Variants in NDUFAF6 observed in about 807,000 individuals in gnomAD.
NDUFAF6 encodes NADH dehydrogenase (ubiquinone) complex I, assembly factor 6.
NDUFAF6 carries 45 observed loss-of-function variants against 40.8 expected under a neutral mutation model. That is an observed-to-expected ratio of 1.10 (90% CI 0.87 to 1.42). The LOEUF (loss-of-function observed/expected upper bound fraction) is 1.42, where lower values mean the gene tolerates loss of function less well. Ranked by LOEUF, NDUFAF6 falls within the 40% of genes most tolerant of loss-of-function variation. The probability of loss-of-function intolerance (pLI) is 0.00; values close to 1 mark genes in which losing one functional copy is unlikely to be tolerated. For synonymous variants in NDUFAF6, 185 were observed against 155.9 expected, an observed-to-expected ratio of 1.19 and a Z score of -1.39; for missense variants, 435 against 418.5, an observed-to-expected ratio of 1.04 and a Z score of -0.34.
At chr8:94,930,373 T>C (rs1163834087) in intron 1 of NDUFAF6, 1 of 1,450,710 alleles carries the variant, frequency 6.9e-7, no homozygotes, top group African/African-American at 1.4e-5. Context: ...ACTATGTGAT[T>C]GGTTATCAAT....
downstream of NDUFAF6, among the ~76,000 whole-genome samples, chr8:95,118,356 G>A (rs528012279): frequency 6.6e-6 from 1 of 152,286 alleles, no homozygotes; most frequent in South Asian, 2.1e-4. Flanking sequence ...CAAAGGGAGG[G>A]GAATTAGACT....
At chr8:94,995,536 G>A (rs1411041518) in intron 2 of NDUFAF6, among the ~76,000 whole-genome samples, 1 of 152,022 alleles carries the variant, frequency 6.6e-6, no homozygotes, top group Non-Finnish European at 1.5e-5. Flanking sequence ...GTCTGAGGCG[G>A]GAGGATTGCA....
intron 1 of NDUFAF6, among the ~76,000 whole-genome samples, chr8:94,932,666 G>A (rs1820533592): frequency 6.6e-6 from 1 of 152,156 alleles, no homozygotes; most frequent in Non-Finnish European, 1.5e-5. Context: ...AGCTGGGTGC[G>A]GTGGCGGGCG....
intron 1 of NDUFAF6, among the ~76,000 whole-genome samples, chr8:94,904,767 C>T (rs771448972): frequency 1.3e-5 from 2 of 151,918 alleles, no homozygotes; most frequent in Admixed American, 6.6e-5. Flanking sequence ...CTTTTTCATG[C>T]CCTCCCATGG....
At chr8:95,051,759 C>T (rs908980915) in intron 7 of NDUFAF6, among the ~76,000 whole-genome samples, 1 of 152,026 alleles carries the variant, frequency 6.6e-6, no homozygotes, top group Non-Finnish European at 1.5e-5. Context: ...TGTCCGGCTG[C>T]GTGGAACGAA....
rs768982885 is a variant in NDUFAF6 at position 95,045,529 on chromosome 8, A to G, written c.478-16A>G. 1 of 1,582,288 alleles carries G rather than the reference A, an allele frequency of 6.3e-7. No individual in the cohort carries two copies. Among genetic ancestry groups the G allele is most frequent in the Admixed American group, 1.7e-5 (1 of 59,952 alleles). ...TGACAGTTCAACAGACTTTATTTGC[A>G]TTTTATTTGATGTAGGAAAAAAATC... On this transcript the variant is annotated splice_polypyrimidine_tract_variant and intron_variant, in intron 4 of 8. Coordinates refer to ENST00000396124, the MANE Select transcript of NDUFAF6 (RefSeq NM_152416.4).
intron 1 of NDUFAF6, among the ~76,000 whole-genome samples, chr8:94,962,733 T>C (rs7823059): frequency 0.51 from 76,618 of 151,318 alleles, 19,826 homozygotes; most frequent in East Asian, 0.72. Context: ...CCACCTTGGC[T>C]TCCCAAATTG....
chr8:94,952,412 C>G (rs184312838), intron 2 of NDUFAF6, among the ~76,000 whole-genome samples: 1 of 152,186 alleles, frequency 6.6e-6, no homozygotes, highest in Non-Finnish European at 1.5e-5. Context: ...CCACTTAGGT[C>G]GTTTTCTATC....
rs140689274 is a variant in NDUFAF6, at chr8:94,940,228, G to A, written c.-935-5255G>A. 2,135 of 1,598,200 alleles carry A rather than the reference G, an allele frequency of 1.3e-3. 32 individuals are homozygous for A. The African/African-American group carries it at 0.025, about 19-fold the overall frequency. On this transcript the variant is annotated intron_variant, in intron 1 of 14. Coordinates refer to the NDUFAF6 transcript ENST00000396113. ...AGAAACCAGTGCAAGTATCTAGATCGTAGTCCACATTGCAGTCCACATGTG... is the reference window on the plus strand; with the variant it reads ...AGAAACCAGTGCAAGTATCTAGATCATAGTCCACATTGCAGTCCACATGTG...
chr8:94,923,143 G>T (rs910276270), intron 1 of NDUFAF6, among the ~76,000 whole-genome samples: 3 of 152,136 alleles, frequency 2.0e-5, no homozygotes, highest in Non-Finnish European at 2.9e-5. Context: ...TCTGTAGGCC[G>T]GATAGGAAGG....
intron 1 of NDUFAF6, among the ~76,000 whole-genome samples, chr8:94,967,036 G>C (rs764807598): frequency 1.3e-5 from 2 of 152,096 alleles, no homozygotes; most frequent in Non-Finnish European, 2.9e-5. Flanking sequence ...ATGGAAATTG[G>C]ATAGACCATT....
chr8:94,909,166 C>T (rs913927633), intron 1 of NDUFAF6, among the ~76,000 whole-genome samples: 2 of 151,314 alleles, frequency 1.3e-5, no homozygotes, highest in African/African-American at 2.4e-5. Context: ...ACCAACATGG[C>T]GAAACCCCAT....
chr8:95,045,155 GTATT>G (rs1830588465), intron 4 of NDUFAF6, among the ~76,000 whole-genome samples: 1 of 152,146 alleles, frequency 6.6e-6, no homozygotes, highest in South Asian at 2.1e-4. Flanking sequence ...AATGGGAAAA[GTATT>G]AATTCCTTAT....
intron 9 of NDUFAF6, among the ~76,000 whole-genome samples, chr8:95,071,033 A>G (rs1587230587): frequency 6.6e-6 from 1 of 152,322 alleles, no homozygotes; most frequent in Middle Eastern, 3.4e-3. Context: ...AATTAAATCT[A>G]CTTTCCTAAA....
intron 1 of NDUFAF6, among the ~76,000 whole-genome samples, chr8:94,971,296 CAAAGGAATGAA>C (rs1824440117): frequency 6.6e-6 from 1 of 152,158 alleles, no homozygotes; most frequent in Admixed American, 6.5e-5. Flanking sequence ...GCCTTGACTC[CAAAGGAATGAA>C]AGTCAGGGTG....
chr8:94,925,051 G>C (rs557133277), intron 1 of NDUFAF6, among the ~76,000 whole-genome samples: 149 of 152,214 alleles, frequency 9.8e-4, no homozygotes, highest in Middle Eastern at 6.8e-3. Flanking sequence ...CCCAAAGTGG[G>C]GCTTTCATTT....
chr8:95,076,370 TC>T (rs1316369270), downstream of NDUFAF6, among the ~76,000 whole-genome samples: 1 of 152,130 alleles, frequency 6.6e-6, no homozygotes, highest in Non-Finnish European at 1.5e-5. Context: ...GCCATCAACA[TC>T]ATTTCCCACT....
intron 1 of NDUFAF6, among the ~76,000 whole-genome samples, chr8:94,944,387 T>G (rs766076784): frequency 6.6e-6 from 1 of 152,184 alleles, no homozygotes; most frequent in Non-Finnish European, 1.5e-5. Context: ...CACATGCAAA[T>G]TGCCCCCTCT....
chr8:95,047,220 T>A, intron 6 of NDUFAF6, 93 bp downstream of exon 6: 1 of 1,552,610 alleles, frequency 6.4e-7, no homozygotes, highest in Non-Finnish European at 8.8e-7. Context: ...ATTCAAGTAA[T>A]TGCTTTGAAA....
Sources: gnomAD v4.1 joint callset for allele counts (sites outside exome capture counted in the v4.1 genomes callset) on GRCh38, gnomAD v4.1.1 for gene constraint, MANE v1.5 for transcripts, NCBI Gene and HGNC (gene_info 2026-07-23, HGNC 2026-07-21) for gene names.